The following SYT12 variants were observed in gnomAD, a reference collection of about 807,000 sequenced individuals.
SYT12 encodes the protein synaptotagmin-12.
A neutral mutation model predicts 39.5 loss-of-function variants in SYT12; 27 were observed. The ratio of observed to expected loss-of-function variants is 0.68; its 90% CI spans 0.50 to 0.94. The LOEUF (loss-of-function observed/expected upper bound fraction) is 0.94. Ranked by LOEUF, SYT12 falls within the 40% of genes least tolerant of loss-of-function variation. SYT12 has a pLI of 0.00. For synonymous variants in SYT12, 233 were observed against 239.7 expected (o/e 0.97, Z 0.26); for missense variants, 536 against 572.6 (o/e 0.94, Z 0.65).
rs943939644 is a variant in SYT12, at chr11:67,023,276, G to A, written c.-208G>A. 7.8e-4 allele frequency: 117 copies of A among 149,216 alleles called. 2 individuals are homozygous for A. The highest frequency in any genetic ancestry group is 2.7e-3 in the African/African-American group (113 of 41,230). The allele number at this position is 149,216 out of a possible 1,614,324, so 9.2% of individuals were successfully genotyped here. A position where few individuals can be genotyped will look rare whatever the true frequency, so the allele number is the denominator to read the frequency against. On this transcript the variant is annotated 5_prime_UTR_variant, in exon 1 of 8. Coordinates refer to ENST00000527043, the MANE Select transcript of SYT12 (RefSeq NM_177963.4). The stretch of plus-strand genomic sequence containing the variant: ...CGTGCCCGGACTGCGGCGCAGCTCC[G>A]GTCCGCCGCCCCGGCCCGGCCGAGC...
chr11:67,030,740 T>A (rs11227654), intron 2 of SYT12: 9,569 of 152,400 alleles, frequency 0.063, 911 homozygotes, highest in African/African-American at 0.21. Context: ...TTGTCACCCT[T>A]TGCCTCAGCA....
chr11:67,040,754 C>A (rs1191535493), intron 4 of SYT12, among the ~76,000 whole-genome samples: 2 of 152,036 alleles, frequency 1.3e-5, no homozygotes, highest in African/African-American at 2.4e-5. Context: ...AGGAGAATGG[C>A]GTGAACCTGG....
intron 3 of SYT12, among the ~76,000 whole-genome samples, chr11:67,013,129 A>G (rs1006830331): frequency 6.6e-6 from 1 of 152,294 alleles, no homozygotes; most frequent in Admixed American, 6.5e-5. Flanking sequence ...CAGAGTGGGG[A>G]GGAGCAGCTC....
upstream of SYT12, among the ~76,000 whole-genome samples, chr11:67,019,222 C>T (rs555917431): frequency 1.3e-5 from 2 of 152,244 alleles, no homozygotes; most frequent in African/African-American, 2.4e-5. Context: ...CCTGTAATCC[C>T]AGCACTTTGG....
intron 3 of SYT12, among the ~76,000 whole-genome samples, chr11:67,035,604 C>T (rs1362196261): frequency 1.3e-5 from 2 of 150,710 alleles, no homozygotes; most frequent in Non-Finnish European, 3.0e-5. Context: ...ACTACAGGCA[C>T]CCGCCACCAT....
chr11:67,033,853 C>T (rs116228161), intron 2 of SYT12, among the ~76,000 whole-genome samples: 66 of 152,250 alleles, frequency 4.3e-4, no homozygotes, highest in African/African-American at 1.5e-3. Flanking sequence ...GTGCCAAGCG[C>T]GGTGCTGGGG....
chr11:67,009,285 C>A (rs780312486), intron 1 of SYT12, among the ~76,000 whole-genome samples: 16 of 152,076 alleles, frequency 1.1e-4, no homozygotes, highest in Non-Finnish European at 2.2e-4. Context: ...GGGTTACAGG[C>A]GTGAGCCACT....
At chr11:67,042,203 A>G (rs1212726455) in intron 4 of SYT12, among the ~76,000 whole-genome samples, 3 of 152,132 alleles carry the variant, frequency 2.0e-5, no homozygotes, top group Non-Finnish European at 4.4e-5. Flanking sequence ...CCATCTGTCA[A>G]ATGGGCATCA....
At chr11:67,010,192 G>T in intron 2 of SYT12, 1 of 152,354 alleles carries the variant, frequency 6.6e-6, no homozygotes, top group Non-Finnish European at 1.5e-5. Flanking sequence ...AAAAGGTTTT[G>T]TCCCTCCCAG....
At chr11:67,041,800 A>G (rs1950517353) in intron 4 of SYT12, among the ~76,000 whole-genome samples, 1 of 152,188 alleles carries the variant, frequency 6.6e-6, no homozygotes, top group Non-Finnish European at 1.5e-5. Flanking sequence ...GGCTGACCCA[A>G]CCAGAAGCCA....
chr11:67,028,701 A>G (rs572034296), intron 1 of SYT12: 1 of 152,334 alleles, frequency 6.6e-6, no homozygotes, highest in Non-Finnish European at 1.5e-5. Context: ...CTCCCCAAGG[A>G]CTTTTTATAC....
At chr11:67,015,500 G>T (rs2136195356) in intron 3 of SYT12, among the ~76,000 whole-genome samples, 1 of 152,242 alleles carries the variant, frequency 6.6e-6, no homozygotes, top group East Asian at 1.9e-4. Flanking sequence ...GGGAGTCCCA[G>T]CTGGGAACAA....
At chr11:67,022,473 C>T (rs146246495), upstream of SYT12, among the ~76,000 whole-genome samples, 3 of 152,336 alleles carry the variant, frequency 2.0e-5, no homozygotes, top group East Asian at 3.9e-4. Flanking sequence ...TGCCAGACTG[C>T]GCGGGCAGGG....
intron 7 of SYT12, 92 bp from the exon 8 acceptor site, chr11:67,048,492 C>G (rs1424173716): frequency 7.0e-7 from 1 of 1,427,892 alleles, no homozygotes; most frequent in Non-Finnish European, 9.5e-7. Flanking sequence ...TGGCACCCCA[C>G]TGGGGCCTGA....
At chr11:67,015,352 C>T (rs550262827) in intron 3 of SYT12, among the ~76,000 whole-genome samples, 2 of 152,354 alleles carry the variant, frequency 1.3e-5, no homozygotes, top group African/African-American at 4.8e-5. Flanking sequence ...GTGCTGGCCT[C>T]CAATGCAGGC....
chr11:67,010,151 T>G (rs949093872), intron 2 of SYT12: 1 of 152,268 alleles, frequency 6.6e-6, no homozygotes, highest in Non-Finnish European at 1.5e-5. Flanking sequence ...CATCTGACCT[T>G]TGATTTCTGG....
rs1184867694 is a variant in SYT12 at position 67,023,232 on chromosome 11, C to CGCGGCGGGCTCCTGGGAGCGT, written c.-249_-229dup. On this transcript the variant is annotated 5_prime_UTR_variant, in exon 1 of 8. Transcript: ENST00000527043. The stretch of plus-strand genomic sequence containing the variant: ...GCAAGCGGGCGAGCGCGAGGGAGCG[C>CGCGGCGGGCTCCTGGGAGCGT]GCGGCGGGCTCCTGGGAGCGTGCCC... The CGCGGCGGGCTCCTGGGAGCGT allele has an allele frequency of 6.6e-6, 1 of 151,390 alleles. No individual in the cohort carries two copies. The highest frequency in any genetic ancestry group is 1.5e-5 in the Non-Finnish European group (1 of 67,822). 9.4% of individuals were successfully genotyped at this position (151,390 alleles called of 1,614,324 possible).
At chr11:67,045,421 C>T (rs775743984) in intron 6 of SYT12, among the ~76,000 whole-genome samples, 3 of 152,134 alleles carry the variant, frequency 2.0e-5, no homozygotes, top group Non-Finnish European at 4.4e-5. Context: ...CCCGGTGACT[C>T]AGGGCTGACG....
rs1030586176 is a variant in SYT12, at chr11:67,050,576, C to T, written c.*1819C>T. 2 of 152,566 alleles carry T rather than the reference C, an allele frequency of 1.3e-5. No individual in the cohort carries two copies. The highest frequency in any genetic ancestry group is 4.8e-5 in the African/African-American group (2 of 41,446). The allele number at this position is 152,566 out of a possible 1,614,324, so 9.5% of individuals were successfully genotyped here. On this transcript the variant is annotated 3_prime_UTR_variant, in exon 8 of 8. Coordinates refer to ENST00000527043, the MANE Select transcript of SYT12 (RefSeq NM_177963.4). ...CCTATGGCCACAGCAGGAGGTCAGC[C>T]CAGGGCCAGGAGACACATGGCTGGA...
Sources: gnomAD v4.1 joint callset for allele counts (sites outside exome capture counted in the v4.1 genomes callset) on GRCh38, gnomAD v4.1.1 for gene constraint, MANE v1.5 for transcripts, NCBI Gene and HGNC (gene_info 2026-07-23, HGNC 2026-07-21) for gene names.